The following FHIP1A variants were observed in gnomAD, a reference collection of about 807,000 sequenced individuals.
FHIP1A encodes the protein FHF complex subunit HOOK-interacting protein 1A.
In FHIP1A, 61 loss-of-function variants were observed where a neutral mutation model predicts 88.6. That is an observed-to-expected ratio of 0.69 (90% CI 0.56 to 0.85). FHIP1A has a LOEUF of 0.85. Among genes scored for constraint, FHIP1A ranks in the 40% least tolerant of loss-of-function variants. The pLI, the probability that FHIP1A is intolerant of heterozygous loss-of-function variation, is 0.00. For synonymous variants in FHIP1A, 478 were observed against 496.0 expected (o/e 0.96, Z 0.48); for missense variants, 1,154 against 1,273.5 (o/e 0.91, Z 1.43).
intron 3 of FHIP1A, among the ~76,000 whole-genome samples, chr4:151,558,396 C>A (rs1578751074): frequency 6.6e-6 from 1 of 151,890 alleles, no homozygotes; most frequent in Admixed American, 6.6e-5. Context: ...ATTAGCCAGG[C>A]GTGGTGGTGC....
At position 151,444,496 on chromosome 4, in the gene FHIP1A, C is replaced by G. The variant is rs551309483; in HGVS notation, c.-355-10205C>G. On this transcript the variant is annotated intron_variant, in intron 1 of 13. Coordinates refer to ENST00000435205, the MANE Select transcript of FHIP1A (RefSeq NM_001109977.3). ...AGTACCTTAGAAACCCGTTTGTCCT[C>G]CCTTCATTGTATCCCTTTTGTCCCC... Among the ~76,000 whole-genome samples the G allele has an allele frequency of 7.2e-5, 11 of 152,212 alleles. No individual in the cohort carries two copies. The South Asian group carries it at 2.1e-3, about 29-fold the overall frequency.
intron 3 of FHIP1A, among the ~76,000 whole-genome samples, chr4:151,531,550 G>C (rs1402924274): frequency 1.3e-5 from 2 of 151,004 alleles, no homozygotes; most frequent in South Asian, 2.1e-4. Flanking sequence ...ATCTCTGTTA[G>C]AAAGTAAAAT....
chr4:151,593,139 A>T (rs1413495658), intron 7 of FHIP1A, among the ~76,000 whole-genome samples: 1 of 152,180 alleles, frequency 6.6e-6, no homozygotes, highest in Non-Finnish European at 1.5e-5. Flanking sequence ...TTTTGGTACC[A>T]GTACCCTGCT....
At chr4:151,477,781 C>A (rs79166343) in intron 2 of FHIP1A, among the ~76,000 whole-genome samples, 1 of 151,750 alleles carries the variant, frequency 6.6e-6, no homozygotes, top group Non-Finnish European at 1.5e-5. Flanking sequence ...ACAACTACAC[C>A]GAGGTACCAT....
intron 2 of FHIP1A, among the ~76,000 whole-genome samples, chr4:151,471,278 A>T (rs532285510): frequency 1.1e-4 from 14 of 126,402 alleles, no homozygotes; most frequent in Admixed American, 9.6e-4. Context: ...CTCTCTTGGA[A>T]TTGTTCCTTT....
chr4:151,595,850 TG>T (rs1300979355), intron 7 of FHIP1A, among the ~76,000 whole-genome samples: 1 of 152,214 alleles, frequency 6.6e-6, no homozygotes, highest in African/African-American at 2.4e-5. Context: ...ATTGCAACAC[TG>T]CTTTTTTTTG....
At chr4:151,608,355 G>A (rs1159085470) in intron 7 of FHIP1A, among the ~76,000 whole-genome samples, 1 of 151,758 alleles carries the variant, frequency 6.6e-6, no homozygotes, top group Non-Finnish European at 1.5e-5. Flanking sequence ...CCTAACTTTT[G>A]ATTTTCTCTT....
intron 2 of FHIP1A, among the ~76,000 whole-genome samples, chr4:151,459,889 T>C (rs561376808): frequency 3.3e-5 from 5 of 152,288 alleles, no homozygotes; most frequent in Non-Finnish European, 5.9e-5. Context: ...AGAAAGACCT[T>C]TTGCATACAC....
In FHIP1A at chr4:151,512,348, C is replaced by T. The variant is rs190559284; in HGVS notation, c.-123+29700C>T. On this transcript the variant is annotated intron_variant, in intron 3 of 13. Transcript: ENST00000435205. ...CCACAAAGATGGGGAAAAAACAGAG[C>T]GGAAAAAACAGAGCAGAAAAAGTGG... 3.0e-3 allele frequency among the ~76,000 whole-genome samples: 450 copies of T among 152,202 alleles called. 1 individual carries two copies. The highest frequency in any genetic ancestry group is 0.01 in the African/African-American group (424 of 41,540).
intron 3 of FHIP1A, among the ~76,000 whole-genome samples, chr4:151,512,912 GC>G (rs1303359162): frequency 6.6e-6 from 1 of 152,182 alleles, no homozygotes; most frequent in African/African-American, 2.4e-5. Flanking sequence ...TCCCAATCTA[GC>G]AAGGCAGGCC....
intron 3 of FHIP1A, among the ~76,000 whole-genome samples, chr4:151,517,401 T>G (rs959092261): frequency 1.3e-5 from 2 of 152,060 alleles, no homozygotes; most frequent in African/African-American, 4.8e-5. Context: ...TGTATACATA[T>G]GTAACTAACC....
chr4:151,545,126 A>G (rs1245678664), intron 3 of FHIP1A, among the ~76,000 whole-genome samples: 1 of 152,172 alleles, frequency 6.6e-6, no homozygotes, highest in Non-Finnish European at 1.5e-5. Flanking sequence ...TGCATTTTCC[A>G]AAAGAGCAGT....
intron 1 of FHIP1A, among the ~76,000 whole-genome samples, chr4:151,422,054 A>G (rs903151176): frequency 2.0e-5 from 3 of 151,914 alleles, no homozygotes; most frequent in Admixed American, 1.3e-4. Context: ...GTCAAATTAT[A>G]TATGAGGGGT....
At chr4:151,655,123 C>G (rs547744510) in intron 11 of FHIP1A, among the ~76,000 whole-genome samples, 3 of 152,078 alleles carry the variant, frequency 2.0e-5, no homozygotes, top group Non-Finnish European at 4.4e-5. Context: ...TTGTTAAACT[C>G]GTATTAATGT....
chr4:151,650,738 G>A (rs1002277926), intron 11 of FHIP1A, 146 bp downstream of exon 11: 2 of 1,070,056 alleles, frequency 1.9e-6, no homozygotes, highest in Admixed American at 6.5e-5. Context: ...TCAAAGAGGG[G>A]TGGCTTTATT....
At chr4:151,428,088 T>C (rs1733452834) in intron 1 of FHIP1A, among the ~76,000 whole-genome samples, 1 of 152,314 alleles carries the variant, frequency 6.6e-6, no homozygotes, top group South Asian at 2.1e-4. Context: ...TTATAGTATA[T>C]GCTTTTGTGC....
chr4:151,639,124 C>G (rs925990781), intron 9 of FHIP1A, among the ~76,000 whole-genome samples: 1 of 152,134 alleles, frequency 6.6e-6, no homozygotes, highest in African/African-American at 2.4e-5. Context: ...CTATTAAAAG[C>G]AAGTGTTCCA....
rs191797862 is a variant in FHIP1A at position 151,453,739 on chromosome 4, G to T, written c.-355-962G>T. Among the ~76,000 whole-genome samples, 18 of 152,244 alleles carry T rather than the reference G, an allele frequency of 1.2e-4. No homozygotes were observed. The East Asian group carries it at 3.1e-3, about 26-fold the overall frequency. On this transcript the variant is annotated intron_variant, in intron 1 of 13. Coordinates refer to ENST00000435205, the MANE Select transcript of FHIP1A (RefSeq NM_001109977.3). ...TACCTGTAATCCCAGCTACTGGGGA[G>T]GCTGAGGCAGGAGAATCGCTTGAAC...
chr4:151,494,491 G>A (rs1187984146), intron 3 of FHIP1A, among the ~76,000 whole-genome samples: 1 of 152,114 alleles, frequency 6.6e-6, no homozygotes, highest in East Asian at 1.9e-4. Context: ...TAGATGTATA[G>A]CTTTATTTCT....
Sources: gnomAD v4.1 joint callset for allele counts (sites outside exome capture counted in the v4.1 genomes callset) on GRCh38, gnomAD v4.1.1 for gene constraint, MANE v1.5 for transcripts, NCBI Gene and HGNC (gene_info 2026-07-23, HGNC 2026-07-21) for gene names.